AKAP8: variants seen among roughly 807,000 people sequenced by gnomAD.
AKAP8 encodes A-kinase anchor protein 8.
AKAP8 carries 24 observed loss-of-function variants against 67.5 expected under a neutral mutation model. That is an observed-to-expected ratio of 0.36 (90% CI 0.26 to 0.50). The LOEUF (loss-of-function observed/expected upper bound fraction) is 0.50, where lower values mean the gene tolerates loss of function less well. Ranked by LOEUF, AKAP8 falls within the 20% of genes least tolerant of loss-of-function variation. The pLI is 0.97. For synonymous variants in AKAP8, 400 were observed against 371.1 expected, an observed-to-expected ratio of 1.08 and a Z score of -0.90; for missense variants, 971 against 955.9, an observed-to-expected ratio of 1.02 and a Z score of -0.21.
At position 15,354,926 on chromosome 19, in the gene AKAP8, G is replaced by A; in HGVS notation, c.2068C>T (p.Pro690Ser). 1 of 1,613,674 alleles carries A rather than the reference G, an allele frequency of 6.2e-7. No homozygotes were observed. The highest frequency in any genetic ancestry group is 8.5e-7 in the Non-Finnish European group (1 of 1,179,762). ...CAGGGAAATGAGCATCATTCTGTGG[G>A]AACAGCGTCTTTAGACTCTGCATCA... is the stretch of plus-strand genomic sequence containing the variant. ...QTDAESKDAV[P>S]TE The change falls in exon 14 of 14, where the codon CCC becomes TCC. Residue 690 changes from proline to serine, a missense_variant. Physicochemically the swap from Pro to Ser is moderately conservative, Grantham distance 74. Coordinates refer to ENST00000269701, the MANE Select transcript of AKAP8 (RefSeq NM_005858.4).
intron 13 of AKAP8, among the ~76,000 whole-genome samples, chr19:15,357,513 G>T (rs972019632): frequency 6.6e-6 from 1 of 151,200 alleles, no homozygotes; most frequent in Non-Finnish European, 1.5e-5. Flanking sequence ...CAGGCTGAGT[G>T]GGGAGGATCT....
chr19:15,373,319 G>C lies in AKAP8; in HGVS notation c.393C>G (p.Phe131Leu). The C allele has an allele frequency of 1.9e-6, 3 of 1,610,548 alleles. No individual in the cohort carries two copies. The highest frequency in any genetic ancestry group is 2.2e-5 in the East Asian group (1 of 44,848). ...DRESSFRFQPFESYDSRPCLP... is the reference protein window; with the variant it reads ...DRESSFRFQPLESYDSRPCLP... Reference sequence around the variant, plus strand: ...GGCAGGGCCTGGAGTCATAGGACTCGAACGGCTGGAAGCGGAAGGAGCTGC... The same window carrying C: ...GGCAGGGCCTGGAGTCATAGGACTCCAACGGCTGGAAGCGGAAGGAGCTGC... Residue 131 changes from phenylalanine (F) to leucine (L), a missense_variant, in exon 5 of 14, where the codon TTC becomes TTG. Coordinates refer to ENST00000269701, the MANE Select transcript of AKAP8 (RefSeq NM_005858.4).
intron 2 of AKAP8, 51 bp downstream of exon 2, chr19:15,376,925 C>T (rs1423192481): frequency 6.3e-6 from 10 of 1,590,144 alleles, no homozygotes; most frequent in Non-Finnish European, 8.6e-6. Context: ...CATGCTAGGG[C>T]CTTGAGTTAG....
At chr19:15,364,692 T>C (rs890953555) in intron 9 of AKAP8, among the ~76,000 whole-genome samples, 2 of 151,146 alleles carry the variant, frequency 1.3e-5, no homozygotes, top group African/African-American at 4.9e-5. Context: ...TTTCACCATG[T>C]TGGCTAGGCT....
At chr19:15,364,545 T>A (rs1967039438) in intron 9 of AKAP8, among the ~76,000 whole-genome samples, 1 of 152,070 alleles carries the variant, frequency 6.6e-6, no homozygotes, top group African/African-American at 2.4e-5. Context: ...GAGACGTGGT[T>A]TCACCATGGT....
intron 7 of AKAP8, 49 bp downstream of exon 7, chr19:15,371,903 A>C (rs1967164455): frequency 6.2e-7 from 1 of 1,600,116 alleles, no homozygotes; most frequent in African/African-American, 1.3e-5. Context: ...GTGATTAAAG[A>C]AAGAAGAAAT....
chr19:15,379,503 G>T, intron 1 of AKAP8: 1 of 502,984 alleles, frequency 2.0e-6, no homozygotes. Flanking sequence ...CCTCCTCGGG[G>T]CCTGGCGGCC....
chr19:15,371,093 G>A (rs890040397), intron 7 of AKAP8, among the ~76,000 whole-genome samples: 19 of 152,302 alleles, frequency 1.2e-4, no homozygotes, highest in African/African-American at 4.6e-4. Context: ...GGGATCAAGT[G>A]AGACTCTGAA....
Position 15,358,992 on chromosome 19 carries a change from A to C in AKAP8, c.1598T>G (p.Val533Gly). 2 of 1,614,152 alleles carry C rather than the reference A, an allele frequency of 1.2e-6. No homozygotes were observed. The highest frequency in any genetic ancestry group is 8.5e-7 in the Non-Finnish European group (1 of 1,180,034). ...CTTGAGGTATTTTTCCAGCATCTTC[A>C]CTATATGTCTGTTGTTCAAAACACT... ...AKSVLNNRHI[V>G]KMLEKYLKGE... The change falls in exon 13 of 14, where the codon GTG (valine) becomes GGG (glycine). Residue 533 changes from valine (V) to glycine (G), a missense_variant. Coordinates refer to ENST00000269701, the MANE Select transcript of AKAP8 (RefSeq NM_005858.4).
chr19:15,375,583 A>T (rs959710747), intron 2 of AKAP8, among the ~76,000 whole-genome samples: 2 of 152,184 alleles, frequency 1.3e-5, no homozygotes, highest in African/African-American at 4.8e-5. Flanking sequence ...ATAATATCAC[A>T]TCAACATTGC....
intron 9 of AKAP8, among the ~76,000 whole-genome samples, chr19:15,363,242 C>T (rs1405506244): frequency 3.3e-5 from 5 of 150,372 alleles, no homozygotes; most frequent in African/African-American, 1.2e-4. Flanking sequence ...GATCAGCCCC[C>T]CGCCCGGCCA....
chr19:15,369,257 G>A lies in AKAP8; in HGVS notation c.1072+889C>T, dbSNP rs754880826. ...CAACAGACATGTCACCTTTGCTTTA[G>A]CATTGTGCCGCTAAGCGCTCGGGGC... On this transcript the variant is annotated intron_variant, in intron 8 of 13. Transcript: ENST00000269701. The surrounding 1 kb of genome is among the most constrained non-coding windows in gnomAD (Gnocchi z 4.6). 8 of 985,544 alleles carry A rather than the reference G, an allele frequency of 8.1e-6. No homozygotes were observed. Among genetic ancestry groups the A allele is most frequent in the Non-Finnish European group, 9.6e-6 (8 of 829,996 alleles). 61.0% of individuals were successfully genotyped at this position (985,544 alleles called of 1,614,324 possible). A position where few individuals can be genotyped will look rare whatever the true frequency, so the allele number is the denominator to read the frequency against.
rs1158745830 is a variant in AKAP8 at position 15,354,601 on chromosome 19, G to C, written c.*314C>G. The C allele has an allele frequency of 3.1e-6, 1 of 325,196 alleles. No homozygotes were observed. Among genetic ancestry groups the C allele is most frequent in the Non-Finnish European group, 5.6e-6 (1 of 177,674 alleles). 20.1% of individuals were successfully genotyped at this position (325,196 alleles called of 1,614,324 possible). A position where few individuals can be genotyped will look rare whatever the true frequency, so the allele number is the denominator to read the frequency against. ...TAAAAAAGGAAGCATTCCATCAGTG[G>C]CTGTATTGAACAAGTAATGTATCAT... On this transcript the variant is annotated 3_prime_UTR_variant, in exon 14 of 14. Transcript: ENST00000269701.
intron 9 of AKAP8, 54 bp downstream of exon 9, chr19:15,368,181 G>A (rs1003020142): frequency 1.4e-5 from 22 of 1,600,160 alleles, no homozygotes; most frequent in African/African-American, 1.2e-4. Flanking sequence ...GCTCGGCAGC[G>A]CCTCCACCGC....
At position 15,360,916 on chromosome 19, in the gene AKAP8, G is replaced by C. The variant is rs1166758130; in HGVS notation, c.1459C>G (p.Leu487Val). 2 of 1,613,654 alleles carry C rather than the reference G, an allele frequency of 1.2e-6. No individual in the cohort carries two copies. The highest frequency in any genetic ancestry group is 2.7e-5 in the African/African-American group (2 of 74,922). The change falls in exon 12 of 14, where the codon CTA becomes GTA. Residue 487 changes from leucine to valine, a missense_variant. Coordinates refer to ENST00000269701, the MANE Select transcript of AKAP8 (RefSeq NM_005858.4). ...EAAHCLACDMLIPAQPQLLQR... is the reference protein window; with the variant it reads ...EAAHCLACDMVIPAQPQLLQR... ...AGGAGCTGCGGCTGTGCAGGAATTA[G>C]CATGTCGCAGGCCAGGCAGTGAGCA... is the stretch of plus-strand genomic sequence containing the variant.
rs1335680764 is a variant in AKAP8 at position 15,372,017 on chromosome 19, G to A, written c.992-19C>T. The A allele has an allele frequency of 3.1e-6, 5 of 1,613,860 alleles. No homozygotes were observed. In the African/African-American group the frequency reaches 4.0e-5, roughly 13 times the overall value. ...GCGTCATCTGCCAGACACAAAGAAA[G>A]GAAAAGTCAGTCCCCGGAGAACGGT... is the stretch of plus-strand genomic sequence containing the variant. On this transcript the variant is annotated intron_variant, in intron 6 of 13. Coordinates refer to ENST00000269701, the MANE Select transcript of AKAP8 (RefSeq NM_005858.4).
At position 15,377,144 on chromosome 19, in the gene AKAP8, C is replaced by G. The variant is rs576820070; in HGVS notation, c.20-130G>C. On this transcript the variant is annotated intron_variant, in intron 1 of 13. Transcript: ENST00000269701. Reference sequence around the variant, plus strand: ...AGAAGAAGGAAGACTCCCCCCCACCCCACCAAAAAAAAGCCATCACACAAC... The same window carrying G: ...AGAAGAAGGAAGACTCCCCCCCACCGCACCAAAAAAAAGCCATCACACAAC... 161 of 1,029,504 alleles carry G rather than the reference C, an allele frequency of 1.6e-4. No homozygotes were observed. The South Asian group carries it at 2.5e-3, about 16-fold the overall frequency. The allele number at this position is 1,029,504 out of a possible 1,614,324, so 63.8% of individuals were successfully genotyped here. A position where few individuals can be genotyped will look rare whatever the true frequency, so the allele number is the denominator to read the frequency against.
chr19:15,371,892 G>A (rs1967164132), intron 7 of AKAP8, 60 bp downstream of exon 7: 16 of 1,570,336 alleles, frequency 1.0e-5, no homozygotes, highest in Non-Finnish European at 1.3e-5. Context: ...TGTGAGGAAG[G>A]GTGATTAAAG....
Position 15,373,934 on chromosome 19 carries a change from T to C in AKAP8, c.223A>G (p.Met75Val). Reference protein sequence around the residue: ...DGGLAAGAPAMHMASYGPEPC... With the variant: ...DGGLAAGAPAVHMASYGPEPC... ...TCTGGGCCGTAAGAGGCCATGTGCA[T>C]GGCAGGGGCCCCGGCCGCCAGGCCG... The change falls in exon 4 of 14, where the codon ATG (methionine) becomes GTG (valine). Residue 75 changes from methionine (M) to valine (V), a missense_variant. This residue lies in a region of AKAP8 where 763 missense variants were observed against 745.4 expected (regional missense o/e 1.02). Coordinates refer to ENST00000269701, the MANE Select transcript of AKAP8 (RefSeq NM_005858.4). 1 of 1,613,896 alleles carries C rather than the reference T, an allele frequency of 6.2e-7. No individual in the cohort carries two copies. Among genetic ancestry groups the C allele is most frequent in the Non-Finnish European group, 8.5e-7 (1 of 1,179,922 alleles).
Sources: gnomAD v4.1 joint callset for allele counts (sites outside exome capture counted in the v4.1 genomes callset) on GRCh38, gnomAD v4.1.1 for gene constraint, gnomAD v4.1.1 regional missense constraint, Gnocchi (gnomAD v3.1) non-coding constraint, MANE v1.5 for transcripts, NCBI Gene and HGNC (gene_info 2026-07-23, HGNC 2026-07-21) for gene names.